TLE5: variants seen among roughly 807,000 people sequenced by gnomAD.
TLE5 encodes the protein TLE family member 5, transcriptional modulator.
TLE5 carries 7 observed loss-of-function variants against 25.8 expected under a neutral mutation model. The observed-to-expected ratio is 0.27, with a 90% confidence interval of 0.15 to 0.51. TLE5 has a LOEUF of 0.51. Among genes scored for constraint, TLE5 ranks in the 20% least tolerant of loss-of-function variants. TLE5 has a pLI of 0.97. For missense variants in TLE5, 149 were observed against 250.7 expected (o/e 0.59, Z 2.74); for synonymous variants, 132 against 110.5 (o/e 1.20, Z -1.22).
Position 3,055,812 on chromosome 19 carries a change from C to G in TLE5, c.235-86G>C, listed in dbSNP as rs962487053. On this transcript the variant is annotated intron_variant, in intron 4 of 6. Transcript: ENST00000327141. ...CAGGAGGCCTGCGCGGGGCCCGGCC[C>G]AGCCCTGCCACTTGCGGCTTCTAAG... is the stretch of plus-strand genomic sequence containing the variant. The G allele has an allele frequency of 2.3e-5, 33 of 1,405,682 alleles. 1 individual carries two copies. In the African/African-American group the frequency reaches 3.6e-4, roughly 15 times the overall value. 87.1% of individuals were successfully genotyped at this position (1,405,682 alleles called of 1,614,324 possible). A position where few individuals can be genotyped will look rare whatever the true frequency, so the allele number is the denominator to read the frequency against.
intron 4 of TLE5, 143 bp downstream of exon 4, chr19:3,056,169 G>C (rs1234664336): frequency 1.7e-6 from 1 of 575,070 alleles, no homozygotes; most frequent in Admixed American, 3.3e-5. Context: ...GGAGGGCTTA[G>C]GAGGTAACAG....
intron 2 of TLE5, among the ~76,000 whole-genome samples, chr19:3,060,434 G>C (rs1216801637): frequency 7.0e-6 from 1 of 142,386 alleles, no homozygotes. Flanking sequence ...ACGGGTTCAA[G>C]CAAGTTTCCT....
intron 1 of TLE5, among the ~76,000 whole-genome samples, chr19:3,061,929 C>T (rs2090273792): frequency 1.7e-5 from 1 of 58,636 alleles, no homozygotes; most frequent in East Asian, 5.8e-4. Context: ...CGGGGGGGCT[C>T]GGGGCCCGGA....
At chr19:3,056,397 G>A (rs1300051139) in intron 3 of TLE5, 41 bp from the exon 4 acceptor site, 1 of 461,334 alleles carries the variant, frequency 2.2e-6, no homozygotes, top group African/African-American at 2.3e-5. Flanking sequence ...GATGGGGGTG[G>A]GGAAGGATGG....
rs895295373 is a variant in TLE5, at chr19:3,053,690, G to T, written c.*129C>A. On this transcript the variant is annotated 3_prime_UTR_variant, in exon 7 of 7. Transcript: ENST00000327141. ...AGCTGGGCTGGGGCCCCCGCCGGCG[G>T]CCACCATAAATACTATGGGAGTTTA... is the stretch of plus-strand genomic sequence containing the variant. 1.1e-5 allele frequency: 12 copies of T among 1,115,186 alleles called. No homozygotes were observed. The African/African-American group carries it at 1.6e-4, about 15-fold the overall frequency. The allele number at this position is 1,115,186 out of a possible 1,614,324, so 69.1% of individuals were successfully genotyped here. A position where few individuals can be genotyped will look rare whatever the true frequency, so the allele number is the denominator to read the frequency against.
intron 3 of TLE5, chr19:3,057,450 C>CG: frequency 1.8e-6 from 1 of 552,382 alleles, no homozygotes; most frequent in Admixed American, 3.1e-5. Context: ...CTGGCAGGGC[C>CG]GGTCTGCAAC....
In TLE5 at chr19:3,062,282, T is replaced by C; in HGVS notation, c.-82A>G. ...GCTGGGGGCGCCGGGCGGCCGCGCC[T>C]TTGTCCCGGCGCCGATCGGCAGCTC... is the stretch of plus-strand genomic sequence containing the variant. On this transcript the variant is annotated 5_prime_UTR_variant, in exon 1 of 7. Transcript: ENST00000327141. 2 of 1,000,736 alleles carry C rather than the reference T, an allele frequency of 2.0e-6. No homozygotes were observed. The highest frequency in any genetic ancestry group is 4.5e-5 in the South Asian group (1 of 22,022). 62.0% of individuals were successfully genotyped at this position (1,000,736 alleles called of 1,614,324 possible).
intron 1 of TLE5, among the ~76,000 whole-genome samples, chr19:3,061,896 G>T (rs907937130): frequency 2.8e-5 from 4 of 145,076 alleles, no homozygotes; most frequent in Non-Finnish European, 6.2e-5. Context: ...TGGGGGGGGG[G>T]GGCGCCAAGC....
chr19:3,054,045 A>G lies in TLE5; in HGVS notation c.373-5T>C. The G allele has an allele frequency of 2.5e-6, 4 of 1,577,408 alleles. No individual in the cohort carries two copies. The highest frequency in any genetic ancestry group is 2.3e-5 in the East Asian group (1 of 43,304). On this transcript the variant is annotated splice_polypyrimidine_tract_variant and splice_region_variant and intron_variant, in intron 6 of 6. Transcript: ENST00000327141. ...CTGGTGGGCTTGGAGCTGCTGCTGC[A>G]GGGCGGGGGAGGGGAACATTAGCTG...
intron 2 of TLE5, among the ~76,000 whole-genome samples, chr19:3,060,641 G>C (rs567326095): frequency 3.7e-4 from 57 of 152,168 alleles, no homozygotes; most frequent in Admixed American, 9.8e-4. Context: ...CTGGGCTTAA[G>C]TTTCTTTAAG....
intron 1 of TLE5, among the ~76,000 whole-genome samples, chr19:3,061,898 G>C (rs1356761430): frequency 8.2e-6 from 1 of 121,604 alleles, no homozygotes; most frequent in African/African-American, 2.9e-5. Flanking sequence ...GGGGGGGGGG[G>C]CGCCAAGCCG....
At chr19:3,062,938 C>A, upstream of TLE5, 1 of 916,996 alleles carries the variant, frequency 1.1e-6, no homozygotes, top group South Asian at 1.4e-5. Flanking sequence ...TTATAGAACG[C>A]CTACTGTGTG....
chr19:3,061,380 T>A, intron 1 of TLE5, 123 bp from the exon 2 acceptor site: 1 of 675,872 alleles, frequency 1.5e-6, no homozygotes, highest in Non-Finnish European at 2.5e-6. Context: ...CCTGGGCCCG[T>A]GTTTACGGCC....
chr19:3,054,092 G>GGGC, intron 6 of TLE5, 28 bp downstream of exon 6: 2 of 1,274,520 alleles, frequency 1.6e-6, no homozygotes, highest in Non-Finnish European at 2.1e-6. Flanking sequence ...CCTGTCCCCC[G>GGGC]CCCACCCGCC....
chr19:3,056,286 G>GCA, intron 4 of TLE5, 26 bp downstream of exon 4: 1 of 1,496,818 alleles, frequency 6.7e-7, no homozygotes, highest in Non-Finnish European at 9.0e-7. Context: ...AGGAGGAGGA[G>GCA]GAGGAGGAGG....
At chr19:3,054,226 T>C in intron 5 of TLE5, 32 bp from the exon 6 acceptor site, 1 of 1,593,342 alleles carries the variant, frequency 6.3e-7, no homozygotes, top group Non-Finnish European at 8.5e-7. Flanking sequence ...GGAGAGGCAG[T>C]GATTCCTCCT....
chr19:3,054,086 T>TCGGGGGGGGGGGGCCCCCCCCC, intron 6 of TLE5, 34 bp downstream of exon 6: 2 of 1,512,796 alleles, frequency 1.3e-6, no homozygotes, highest in Non-Finnish European at 1.8e-6. Context: ...GGCCCACCTG[T>TCGGGGGGGGGGGGCCCCCCCCC]CCCCCGCCCA....
chr19:3,054,514 C>T (rs2090201432), intron 5 of TLE5: 1 of 482,160 alleles, frequency 2.1e-6, no homozygotes, highest in East Asian at 3.8e-5. Flanking sequence ...ATCCTATGTG[C>T]ACAGCCACCT....
At chr19:3,054,653 G>C (rs1361439924) in intron 5 of TLE5, 1 of 164,850 alleles carries the variant, frequency 6.1e-6, no homozygotes, top group Non-Finnish European at 1.3e-5. Context: ...TCCTACCATG[G>C]CTGGGGAGGG....
Sources: allele counts gnomAD v4.1 joint callset (sites outside exome capture counted in the v4.1 genomes callset), GRCh38; gene constraint gnomAD v4.1.1; transcripts MANE v1.5; gene names NCBI Gene and HGNC (gene_info 2026-07-23, HGNC 2026-07-21).